Variants in NAA35 observed in about 807,000 individuals in gnomAD.
NAA35 encodes the protein N-alpha-acetyltransferase 35, NatC auxiliary subunit, also known as MAK10 homolog, amino-acid N-acetyltransferase subunit.
Under a neutral mutation model 101.7 loss-of-function variants are expected in NAA35, and 18 were observed. The observed-to-expected ratio is 0.18, with a 90% CI of 0.12 to 0.26. NAA35 has a LOEUF of 0.26. Ranked by LOEUF, NAA35 falls within the 10% of genes least tolerant of loss-of-function variation. The pLI, the probability that NAA35 is intolerant of heterozygous loss-of-function variation, is 1.00. For synonymous variants in NAA35, 267 were observed against 273.1 expected (o/e 0.98, Z 0.22); for missense variants, 601 against 886.8 (o/e 0.68, Z 4.09).
chr9:85,985,529 CA>C (rs1184099849), intron 11 of NAA35, among the ~76,000 whole-genome samples: 1 of 151,910 alleles, frequency 6.6e-6, no homozygotes, highest in Non-Finnish European at 1.5e-5. Context: ...ATAAAATGTC[CA>C]AAGTTGGCAA....
chr9:85,993,154 T>G (rs1830996361), intron 11 of NAA35, among the ~76,000 whole-genome samples: 1 of 152,214 alleles, frequency 6.6e-6, no homozygotes, highest in African/African-American at 2.4e-5. Flanking sequence ...CTGATTGTTT[T>G]GTTTGTTTAA....
intron 11 of NAA35, among the ~76,000 whole-genome samples, chr9:85,989,582 TA>T (rs1830811408): frequency 6.6e-6 from 1 of 152,324 alleles, no homozygotes; most frequent in African/African-American, 2.4e-5. Context: ...GAAATATTTT[TA>T]AACTAGCAAG....
chr9:85,984,426 A>G (rs943276677), intron 11 of NAA35, among the ~76,000 whole-genome samples: 11 of 152,248 alleles, frequency 7.2e-5, no homozygotes, highest in African/African-American at 2.4e-4. Flanking sequence ...AGAGCCACCC[A>G]GCACACCAGA....
At chr9:85,979,780 C>G (rs550830001) in intron 11 of NAA35, among the ~76,000 whole-genome samples, 1 of 152,338 alleles carries the variant, frequency 6.6e-6, no homozygotes, top group South Asian at 2.1e-4. Flanking sequence ...TGAGTGATAA[C>G]TGTGTAGGTT....
chr9:85,961,516 A>G (rs1490539473), intron 5 of NAA35, among the ~76,000 whole-genome samples: 1 of 152,352 alleles, frequency 6.6e-6, no homozygotes, highest in Admixed American at 6.5e-5. Context: ...AAAATAGTAT[A>G]AAACAATTAT....
chr9:85,955,351 TATATATATA>T (rs1397983834), intron 2 of NAA35, among the ~76,000 whole-genome samples: 22 of 81,514 alleles, frequency 2.7e-4, no homozygotes, highest in African/African-American at 9.6e-4. Flanking sequence ...TATATATATA[TATATATATA>T]TTTTTTTTTT....
chr9:85,941,169 G>T lies in NAA35; in HGVS notation c.-110G>T, dbSNP rs971716491. The T allele has an allele frequency of 5.1e-6, 5 of 986,058 alleles. No individual in the cohort carries two copies. The Admixed American group carries it at 1.8e-4, about 36-fold the overall frequency. 61.1% of individuals were successfully genotyped at this position (986,058 alleles called of 1,614,324 possible). ...GCATACGCATGCGTGCACGCTGCCG[G>T]TCGGGCTGGGCTGAGAGGGGAGGGG... is the stretch of plus-strand genomic sequence containing the variant. On this transcript the variant is annotated 5_prime_UTR_variant, in exon 1 of 23. Coordinates refer to ENST00000361671, the MANE Select transcript of NAA35 (RefSeq NM_024635.4).
At chr9:86,021,083 T>C (rs1416041034) in intron 22 of NAA35, 114 bp downstream of exon 22, 2 of 738,148 alleles carry the variant, frequency 2.7e-6, no homozygotes, top group Admixed American at 6.8e-5. Context: ...CAAAAATCAT[T>C]CTAAAAATTT....
chr9:86,000,434 C>T (rs1175429517), intron 12 of NAA35, among the ~76,000 whole-genome samples: 2 of 149,966 alleles, frequency 1.3e-5, no homozygotes, highest in South Asian at 2.1e-4. Flanking sequence ...GGGAGAAGTC[C>T]CTCCTCAGTT....
Position 85,946,752 on chromosome 9 carries a change from A to C in NAA35, c.124+4469A>C, listed in dbSNP as rs530070992. Among the ~76,000 whole-genome samples, 4 of 151,434 alleles carry C rather than the reference A, an allele frequency of 2.6e-5. No homozygotes were observed. The East Asian group carries it at 7.8e-4, about 29-fold the overall frequency. On this transcript the variant is annotated intron_variant, in intron 2 of 22. Coordinates refer to ENST00000361671, the MANE Select transcript of NAA35 (RefSeq NM_024635.4). ...TGTGGCATAAGACAATTATTCTTTC[A>C]GTGTGGCTCAGGGAAGCCAAAATAT...
At position 85,950,187 on chromosome 9, in the gene NAA35, T is replaced by A. The variant is rs1039469013; in HGVS notation, c.125-6173T>A. 4.6e-5 allele frequency among the ~76,000 whole-genome samples: 7 copies of A among 152,212 alleles called. No individual in the cohort carries two copies. In the East Asian group the frequency reaches 1.2e-3, roughly 25 times the overall value. ...TGCAGGGTGGGGCTTGTACTCTGCT[T>A]CATGAGTAAATTCTTAAGTTTACTG... On this transcript the variant is annotated intron_variant, in intron 2 of 22. Transcript: ENST00000361671.
At chr9:86,008,722 G>T (rs1206212661) in intron 14 of NAA35, among the ~76,000 whole-genome samples, 3 of 152,180 alleles carry the variant, frequency 2.0e-5, no homozygotes, top group Non-Finnish European at 4.4e-5. Flanking sequence ...TAGTCTAGTT[G>T]TTCCACTGTT....
chr9:86,021,765 A>G lies in NAA35; in HGVS notation c.2119-136A>G. 4 of 692,594 alleles carry G rather than the reference A, an allele frequency of 5.8e-6. No individual in the cohort carries two copies. In the South Asian group the frequency reaches 7.5e-5, roughly 13 times the overall value. 42.9% of individuals were successfully genotyped at this position (692,594 alleles called of 1,614,324 possible). On this transcript the variant is annotated intron_variant, in intron 22 of 22. Transcript: ENST00000361671. ...TTAGTTCCTACCTTTTTTGTCATTA[A>G]CCTAGTTTTTAAAATCTATTTTGTG... is the stretch of plus-strand genomic sequence containing the variant.
In NAA35 at chr9:85,977,416, G is replaced by T. The variant is rs754158183; in HGVS notation, c.732G>T (p.Leu244=). ...FSRVKFTRVL[L]TVLIAFTKKE... ...GAGTGAAATTTACTCGTGTGTTACT[G>T]ACAGTGCTTATAGCCTTTACTAAGA... is the stretch of plus-strand genomic sequence containing the variant. Residue 244 remains leucine (L), a synonymous_variant, in exon 10 of 23, where the codon CTG becomes CTT. Coordinates refer to ENST00000361671, the MANE Select transcript of NAA35 (RefSeq NM_024635.4). The T allele has an allele frequency of 6.2e-7, 1 of 1,611,312 alleles. No homozygotes were observed. Among genetic ancestry groups the T allele is most frequent in the African/African-American group, 1.3e-5 (1 of 74,792 alleles).
Position 86,010,740 on chromosome 9 carries a change from AT to A in NAA35, c.1290+820del, listed in dbSNP as rs958838218. Among the ~76,000 whole-genome samples the A allele has an allele frequency of 2.0e-3, 280 of 143,106 alleles. 2 individuals carry two copies. The highest frequency in any genetic ancestry group is 0.012 in the Admixed American group (179 of 14,392). 93.9% of individuals were successfully genotyped at this position (143,106 alleles called of 152,430 possible). ...CAGGCGCCGCCATCATGCCTGGCTA[AT>A]TTTTTTTTTTGTATTTTTAGTAGAG... On this transcript the variant is annotated intron_variant, in intron 15 of 22. Coordinates refer to ENST00000361671, the MANE Select transcript of NAA35 (RefSeq NM_024635.4).
intron 2 of NAA35, among the ~76,000 whole-genome samples, chr9:85,946,859 ATCT>A (rs1430425291): frequency 1.3e-5 from 2 of 152,112 alleles, no homozygotes; most frequent in African/African-American, 4.8e-5. Flanking sequence ...ATATCCATTC[ATCT>A]TCTTCAGTTC....
chr9:85,968,859 C>T (rs1346053925), intron 6 of NAA35, among the ~76,000 whole-genome samples: 1 of 151,972 alleles, frequency 6.6e-6, no homozygotes, highest in African/African-American at 2.4e-5. Flanking sequence ...GAGAGGTGAA[C>T]CAAAGTAGTA....
Position 86,022,155 on chromosome 9 carries a change from T to G in NAA35, c.*195T>G, listed in dbSNP as rs990812199. On this transcript the variant is annotated 3_prime_UTR_variant, in exon 23 of 23. Coordinates refer to ENST00000361671, the MANE Select transcript of NAA35 (RefSeq NM_024635.4). ...TGCTGTTTTAAAGTGGTTTATTATG[T>G]TCCATGGAAGAAACTGGTCTTATTG... The G allele has an allele frequency of 2.1e-6, 1 of 481,486 alleles. No homozygotes were observed. The highest frequency in any genetic ancestry group is 3.6e-6 in the Non-Finnish European group (1 of 274,688). The allele number at this position is 481,486 out of a possible 1,614,324, so 29.8% of individuals were successfully genotyped here.
At position 86,009,928 on chromosome 9, in the gene NAA35, T is replaced by G. The variant is rs776635477; in HGVS notation, c.1287T>G (p.Val429=). The part of the protein sequence containing the change: ...DCIDSFVTHC[V]RPFCSLIQIH... ...TCGACTCCTTTGTTACTCACTGTGT[T>G]CGGGTAAGAGCTACAATTTGGATTG... Residue 429 remains valine, a synonymous_variant, in exon 15 of 23, where the codon GTT becomes GTG. Coordinates refer to ENST00000361671, the MANE Select transcript of NAA35 (RefSeq NM_024635.4). The G allele has an allele frequency of 8.7e-6, 14 of 1,612,164 alleles. No individual in the cohort carries two copies. Among genetic ancestry groups the G allele is most frequent in the Non-Finnish European group, 1.1e-5 (13 of 1,178,450 alleles).
Sources: allele counts gnomAD v4.1 joint callset (sites outside exome capture counted in the v4.1 genomes callset), GRCh38; gene constraint gnomAD v4.1.1; transcripts MANE v1.5; gene names NCBI Gene and HGNC (gene_info 2026-07-23, HGNC 2026-07-21).